B3GALNT2: variants seen among roughly 807,000 people sequenced by gnomAD.
The protein encoded by B3GALNT2 is beta-1,3-N-acetylgalactosaminyltransferase 2.
A neutral mutation model predicts 61.1 loss-of-function variants in B3GALNT2; 53 were observed. The observed-to-expected ratio is 0.87, with a 90% CI of 0.70 to 1.09. The LOEUF is 1.09. B3GALNT2 is among the 50% of genes least tolerant of loss of function. B3GALNT2 has a pLI of 0.00. For missense variants in B3GALNT2, 544 were observed against 623.0 expected (o/e 0.87, Z 1.35); for synonymous variants, 223 against 237.4 (o/e 0.94, Z 0.56).
chr1:235,491,039 G>A (rs1299754842), intron 2 of B3GALNT2, among the ~76,000 whole-genome samples: 4 of 150,426 alleles, frequency 2.7e-5, no homozygotes, highest in Admixed American at 6.6e-5. Flanking sequence ...TGCAAATTAA[G>A]CTTAATGTGA....
intron 1 of B3GALNT2, among the ~76,000 whole-genome samples, chr1:235,496,579 C>T (rs1685334169): frequency 1.4e-5 from 2 of 147,362 alleles, no homozygotes; most frequent in Admixed American, 1.4e-4. Context: ...GAGTCCCACT[C>T]TGTGGCCCAG....
At position 235,497,013 on chromosome 1, in the gene B3GALNT2, C is replaced by T. The variant is rs529322407; in HGVS notation, c.113-2185G>A. Among the ~76,000 whole-genome samples the T allele has an allele frequency of 3.0e-4, 46 of 152,308 alleles. 2 individuals carry two copies. In the South Asian group the frequency reaches 9.3e-3, roughly 31 times the overall value. ...AGCTTATCTGAGTCTAAATTCTGAT[C>T]TTTTAATCCACAATACCAGTTCAAC... On this transcript the variant is annotated intron_variant, in intron 1 of 11. Transcript: ENST00000366600.
chr1:235,442,314 G>C (rs1231449853), downstream of B3GALNT2, among the ~76,000 whole-genome samples: 1 of 152,172 alleles, frequency 6.6e-6, no homozygotes, highest in Non-Finnish European at 1.5e-5. Flanking sequence ...GGGATTACAG[G>C]CATGCGCCAC....
intron 1 of B3GALNT2, among the ~76,000 whole-genome samples, chr1:235,501,335 T>G (rs1468922744): frequency 6.6e-6 from 1 of 152,196 alleles, no homozygotes; most frequent in Non-Finnish European, 1.5e-5. Context: ...ATTAAAAAAG[T>G]TGCTGACTCT....
intron 2 of B3GALNT2, among the ~76,000 whole-genome samples, chr1:235,493,407 T>C (rs1029943404): frequency 2.6e-5 from 4 of 152,190 alleles, no homozygotes; most frequent in South Asian, 2.1e-4. Context: ...TCTATTATCA[T>C]TGCAACCATG....
chr1:235,440,196 T>G, the B3GALNT2 span, among the ~76,000 whole-genome samples: 2 of 152,124 alleles, frequency 1.3e-5, no homozygotes, highest in East Asian at 3.9e-4. Flanking sequence ...GGTCTCGATC[T>G]CCTGACCTTG....
At chr1:235,442,008 A>ATTTTT in the B3GALNT2 span, 1 of 596,200 alleles carries the variant, frequency 1.7e-6, no homozygotes, top group Non-Finnish European at 2.8e-6. Flanking sequence ...TTAAATGAAA[A>ATTTTT]TTTTTTTTTT....
downstream of B3GALNT2, among the ~76,000 whole-genome samples, chr1:235,442,236 T>A (rs938958993): frequency 5.3e-5 from 8 of 152,144 alleles, no homozygotes; most frequent in Non-Finnish European, 8.8e-5. Context: ...AGTGGCACGA[T>A]CTTGGCTCAC....
intron 7 of B3GALNT2, among the ~76,000 whole-genome samples, chr1:235,461,802 T>C (rs887417785): frequency 3.9e-5 from 6 of 152,102 alleles, no homozygotes; most frequent in African/African-American, 1.4e-4. Context: ...GGCATTGAGC[T>C]ACTGCACCTG....
intron 4 of B3GALNT2, among the ~76,000 whole-genome samples, chr1:235,482,363 C>T (rs963221388): frequency 1.3e-5 from 2 of 151,942 alleles, no homozygotes; most frequent in Admixed American, 1.3e-4. Context: ...GGGGCAAACA[C>T]ATCAATTAAT....
downstream of B3GALNT2, among the ~76,000 whole-genome samples, chr1:235,445,898 A>AC (rs2102947035): frequency 6.6e-6 from 1 of 152,356 alleles, no homozygotes; most frequent in Admixed American, 6.5e-5. Flanking sequence ...CACACAGCAC[A>AC]CAAGGCACTG....
intron 2 of B3GALNT2, among the ~76,000 whole-genome samples, chr1:235,491,194 G>A (rs1247287042): frequency 6.6e-6 from 1 of 151,820 alleles, no homozygotes; most frequent in African/African-American, 2.4e-5. Flanking sequence ...ACATATCTTA[G>A]TTGTCACTTT....
intron 8 of B3GALNT2, among the ~76,000 whole-genome samples, chr1:235,456,819 C>G (rs993740661): frequency 6.6e-6 from 1 of 152,184 alleles, no homozygotes; most frequent in African/African-American, 2.4e-5. Flanking sequence ...GACTTCCCAC[C>G]CTCGGGACTT....
chr1:235,441,362 T>A, the B3GALNT2 span: 1 of 242,546 alleles, frequency 4.1e-6, no homozygotes, highest in African/African-American at 2.3e-5. Flanking sequence ...ACGTGAGAAG[T>A]GTCCTGTGGA....
At chr1:235,441,757 G>C in the B3GALNT2 span, 967 of 1,517,558 alleles carry the variant, frequency 6.4e-4, 6 homozygotes, top group African/African-American at 0.012. Flanking sequence ...TGTTTGTTTT[G>C]TTTTTACTTA....
rs1222123864 is a variant in B3GALNT2, at chr1:235,504,371, C to A, written c.-119G>T. 319 of 1,187,456 alleles carry A rather than the reference C, an allele frequency of 2.7e-4. 1 individual carries two copies. Among genetic ancestry groups the A allele is most frequent in the East Asian group, 1.4e-3 (41 of 29,314 alleles). The allele number at this position is 1,187,456 out of a possible 1,614,324, so 73.6% of individuals were successfully genotyped here. Reference sequence around the variant, plus strand: ...CGACCACTCCGAGCACGCCCGCCCTCGCGCTCGGCGACGTCTGGGGGGCTC... The same window carrying A: ...CGACCACTCCGAGCACGCCCGCCCTAGCGCTCGGCGACGTCTGGGGGGCTC... On this transcript the variant is annotated 5_prime_UTR_variant, in exon 1 of 12. Transcript: ENST00000366600.
intron 3 of B3GALNT2, chr1:235,484,730 T>G: frequency 1.2e-6 from 1 of 812,560 alleles, no homozygotes; most frequent in Non-Finnish European, 1.8e-6. Flanking sequence ...CACATCTAAG[T>G]AAGTTAATTA....
intron 1 of B3GALNT2, among the ~76,000 whole-genome samples, chr1:235,498,333 A>G (rs538295663): frequency 8.7e-4 from 133 of 152,362 alleles, no homozygotes; most frequent in Non-Finnish European, 1.8e-3. Context: ...GTAAGAAGTA[A>G]ACATGATACA....
rs531514983 is a variant in B3GALNT2 at position 235,486,749 on chromosome 1, T to TG, written c.362-2235dup. On this transcript the variant is annotated intron_variant, in intron 3 of 11. Coordinates refer to ENST00000366600, the MANE Select transcript of B3GALNT2 (RefSeq NM_152490.5). ...AACAGCACTTAAGATAATAAAAATA[T>TG]GGTTAATTTAAAAGTGAAGGGCTTC... 1.1e-4 allele frequency among the ~76,000 whole-genome samples: 17 copies of TG among 152,312 alleles called. No individual in the cohort carries two copies. The East Asian group carries it at 2.5e-3, about 22-fold the overall frequency.
Sources: allele counts gnomAD v4.1 joint callset (sites outside exome capture counted in the v4.1 genomes callset), GRCh38; gene constraint gnomAD v4.1.1; transcripts MANE v1.5; gene names NCBI Gene and HGNC (gene_info 2026-07-23, HGNC 2026-07-21).